Variants in DERL1 observed in about 807,000 individuals in gnomAD.
The protein encoded by DERL1 is derlin 1.
DERL1 carries 24 observed loss-of-function variants against 41.6 expected under a neutral mutation model. The ratio of observed to expected loss-of-function variants is 0.58; its 90% CI spans 0.42 to 0.81. The LOEUF (loss-of-function observed/expected upper bound fraction) is 0.81, where lower values mean the gene tolerates loss of function less well. DERL1 is among the 30% of genes least tolerant of loss of function. The pLI, the probability that DERL1 is intolerant of heterozygous loss-of-function variation, is 0.00. For missense variants in DERL1, 260 were observed against 314.3 expected (o/e 0.83, Z 1.31); for synonymous variants, 124 against 112.5 (o/e 1.10, Z -0.65).
intron 1 of DERL1, among the ~76,000 whole-genome samples, chr8:123,039,110 T>C (rs1812992521): frequency 6.6e-6 from 1 of 152,178 alleles, no homozygotes; most frequent in African/African-American, 2.4e-5. Flanking sequence ...GGCTGTAATC[T>C]CGTCCCCTCT....
chr8:123,028,185 A>G (rs1812745051), intron 2 of DERL1, among the ~76,000 whole-genome samples: 1 of 152,192 alleles, frequency 6.6e-6, no homozygotes, highest in Non-Finnish European at 1.5e-5. Context: ...TACAAATGAA[A>G]TGCCTGGCAT....
intron 1 of DERL1, among the ~76,000 whole-genome samples, chr8:123,033,983 A>C (rs1812870680): frequency 6.6e-6 from 1 of 152,204 alleles, no homozygotes; most frequent in African/African-American, 2.4e-5. Context: ...ACCAAGCACA[A>C]AAGACATGGC....
At position 123,042,010 on chromosome 8, in the gene DERL1, T is replaced by C. The variant is rs944425567; in HGVS notation, c.113A>G (p.Tyr38Cys). Reference protein sequence around the residue: ...VGKLGLISPAYLFLWPEAFLY... With the variant: ...VGKLGLISPACLFLWPEAFLY... ...GAAGGCTTCGGGCCAGAGGAAGAGG[T>C]AGGCCGGGCTGATGAGGCCGAGTTT... The change falls in exon 1 of 8, where the codon TAC becomes TGC. Residue 38 changes from tyrosine to cysteine, a missense_variant. Coordinates refer to ENST00000259512, the MANE Select transcript of DERL1 (RefSeq NM_024295.6). The C allele has an allele frequency of 6.2e-7, 1 of 1,613,690 alleles. No homozygotes were observed. The highest frequency in any genetic ancestry group is 8.5e-7 in the Non-Finnish European group (1 of 1,179,842).
rs767269122 is a variant in DERL1 at position 123,015,169 on chromosome 8, C to T, written c.*278G>A. On this transcript the variant is annotated 3_prime_UTR_variant, in exon 8 of 8. Coordinates refer to ENST00000259512, the MANE Select transcript of DERL1 (RefSeq NM_024295.6). ...GACCCGCTAAAACCCATTATTCAGACGGAAAGGGGAGAAGAGAAGACACCA... is the reference window on the plus strand; with the variant it reads ...GACCCGCTAAAACCCATTATTCAGATGGAAAGGGGAGAAGAGAAGACACCA... The T allele has an allele frequency of 1.2e-4, 38 of 307,348 alleles. No individual in the cohort carries two copies. Among genetic ancestry groups the T allele is most frequent in the East Asian group, 6.4e-4 (10 of 15,526 alleles). The allele number at this position is 307,348 out of a possible 1,614,324, so 19.0% of individuals were successfully genotyped here. A position where few individuals can be genotyped will look rare whatever the true frequency, so the allele number is the denominator to read the frequency against.
intron 4 of DERL1, 145 bp from the exon 5 acceptor site, chr8:123,022,924 C>T (rs901206219): frequency 1.8e-6 from 1 of 564,986 alleles, no homozygotes; most frequent in Non-Finnish European, 3.2e-6. Context: ...TAAATTGATC[C>T]TATTATTTAT....
rs559738065 is a variant in DERL1 at position 123,024,980 on chromosome 8, G to C, written c.330+6C>G. ...TTCTGGCCCAAAATCACAGACTGAA[G>C]GATACCACGATGCAAATCCAGTTAA... On this transcript the variant is annotated splice_donor_region_variant and intron_variant, in intron 3 of 7. Coordinates refer to ENST00000259512, the MANE Select transcript of DERL1 (RefSeq NM_024295.6). 1 of 1,612,838 alleles carries C rather than the reference G, an allele frequency of 6.2e-7. No individual in the cohort carries two copies. The highest frequency in any genetic ancestry group is 1.3e-5 in the African/African-American group (1 of 74,974).
chr8:123,023,389 T>C (rs182470947), intron 4 of DERL1, among the ~76,000 whole-genome samples: 2 of 152,142 alleles, frequency 1.3e-5, no homozygotes, highest in East Asian at 1.9e-4. Flanking sequence ...ACCCCATCTC[T>C]ACTAAAAATA....
intron 1 of DERL1, among the ~76,000 whole-genome samples, chr8:123,033,281 T>C (rs561645418): frequency 1.3e-5 from 2 of 152,388 alleles, no homozygotes; most frequent in African/African-American, 2.4e-5. Context: ...CTCAATATTT[T>C]ATTTTTCTAA....
rs148031242 is a variant in DERL1, at chr8:123,038,011, A to G, written c.153+3959T>C. ...TGATGAACATAAATCTGAGGGACTCAGAATAGGGAGAAATCGTAGACAACA... is the reference window on the plus strand; with the variant it reads ...TGATGAACATAAATCTGAGGGACTCGGAATAGGGAGAAATCGTAGACAACA... On this transcript the variant is annotated intron_variant, in intron 1 of 7. Coordinates refer to ENST00000259512, the MANE Select transcript of DERL1 (RefSeq NM_024295.6). Among the ~76,000 whole-genome samples, 282 of 152,364 alleles carry G rather than the reference A, an allele frequency of 1.9e-3. 1 individual carries two copies. Among genetic ancestry groups the G allele is most frequent in the African/African-American group, 6.3e-3 (260 of 41,592 alleles).
Position 123,014,341 on chromosome 8 carries a change from G to T in DERL1, c.*1106C>A, listed in dbSNP as rs1471458649. 6.6e-6 allele frequency: 1 copy of T among 152,596 alleles called. No individual in the cohort carries two copies. Among genetic ancestry groups the T allele is most frequent in the African/African-American group, 2.4e-5 (1 of 41,438 alleles). 9.5% of individuals were successfully genotyped at this position (152,596 alleles called of 1,614,324 possible). A position where few individuals can be genotyped will look rare whatever the true frequency, so the allele number is the denominator to read the frequency against. ...TAAATCATGTTATTCCCTTAGATGT[G>T]CTTACATTAGCTTTAAAAAATGATC... On this transcript the variant is annotated 3_prime_UTR_variant, in exon 8 of 8. Coordinates refer to ENST00000259512, the MANE Select transcript of DERL1 (RefSeq NM_024295.6).
At chr8:123,041,776 C>T (rs1321476764) in intron 1 of DERL1, among the ~76,000 whole-genome samples, 194 bp downstream of exon 1, 2 of 152,242 alleles carry the variant, frequency 1.3e-5, no homozygotes, top group African/African-American at 4.8e-5. Context: ...CAGCCCACAA[C>T]TCCAGCTATC....
chr8:123,042,043 A>G lies in DERL1; in HGVS notation c.80T>C (p.Leu27Ser), dbSNP rs373197192. 1 of 1,613,990 alleles carries G rather than the reference A, an allele frequency of 6.2e-7. No individual in the cohort carries two copies. Among genetic ancestry groups the G allele is most frequent in the Non-Finnish European group, 8.5e-7 (1 of 1,179,936 alleles). The change falls in exon 1 of 8, where the codon TTG becomes TCG. Residue 27 changes from leucine (L) to serine (S), a missense_variant. Leu to Ser is a moderately radical substitution (Grantham distance 145). Coordinates refer to ENST00000259512, the MANE Select transcript of DERL1 (RefSeq NM_024295.6). ...GCTGATGAGGCCGAGTTTGCCGACCAAGGGCACGGCGACGGTGGCGGCGAA... is the reference window on the plus strand; with the variant it reads ...GCTGATGAGGCCGAGTTTGCCGACCGAGGGCACGGCGACGGTGGCGGCGAA... ...YWFAATVAVPLVGKLGLISPA... is the reference protein window; with the variant it reads ...YWFAATVAVPSVGKLGLISPA...
At chr8:123,020,021 C>G (rs575076808) in intron 6 of DERL1, among the ~76,000 whole-genome samples, 1 of 152,208 alleles carries the variant, frequency 6.6e-6, no homozygotes, top group Non-Finnish European at 1.5e-5. Context: ...GCAGCTTTGC[C>G]AAGTTCAGAA....
chr8:123,015,478 C>T lies in DERL1; in HGVS notation c.725G>A (p.Trp242Ter). 6.2e-7 allele frequency: 1 copy of T among 1,613,682 alleles called. No individual in the cohort carries two copies. The highest frequency in any genetic ancestry group is 8.5e-7 in the Non-Finnish European group (1 of 1,179,832). ...DQNGGGGRHN[W>*]GQGFRLGDQ ...GTCTCCAAGTCGAAAGCCCTGGCCC[C>T]AGTTGTGTCTCCCGCCTCCGCCATT... Residue 242 changes from tryptophan to a stop codon, truncating the protein, a stop_gained, in exon 8 of 8, where the codon TGG becomes TAG. Transcript: ENST00000259512. LOFTEE classifies it high-confidence loss of function.
At chr8:123,024,126 C>A (rs1739897744) in intron 3 of DERL1, among the ~76,000 whole-genome samples, 1 of 152,146 alleles carries the variant, frequency 6.6e-6, no homozygotes, top group African/African-American at 2.4e-5. Flanking sequence ...TAGTAGAAAT[C>A]AACAGCTTCC....
In DERL1 at chr8:123,027,318, AATT is replaced by A. The variant is rs1263856368; in HGVS notation, c.266-2271_266-2269del. ...CAAAAAAAAAAAAAAAAAAAAAAAAAATTTAGTGGTCTCCTAAGGGTGTGGGGG... is the reference window on the plus strand; with the variant it reads ...CAAAAAAAAAAAAAAAAAAAAAAAAATAGTGGTCTCCTAAGGGTGTGGGGG... On this transcript the variant is annotated intron_variant, in intron 2 of 7. Transcript: ENST00000259512. 8.2e-4 allele frequency among the ~76,000 whole-genome samples: 90 copies of A among 109,442 alleles called. 2 individuals are homozygous for A. The highest frequency in any genetic ancestry group is 2.8e-3 in the African/African-American group (71 of 25,812). The allele number at this position is 109,442 out of a possible 152,430, so 71.8% of individuals were successfully genotyped here.
At chr8:123,039,560 T>G (rs1389763513) in intron 1 of DERL1, among the ~76,000 whole-genome samples, 3 of 152,090 alleles carry the variant, frequency 2.0e-5, no homozygotes, top group Non-Finnish European at 4.4e-5. Context: ...CCTGGAAGGT[T>G]GTCTCCAGAG....
rs775066796 is a variant in DERL1 at position 123,030,715 on chromosome 8, A to G, written c.155T>C (p.Ile52Thr). The change falls in exon 2 of 8, where the codon ATT becomes ACT. Residue 52 changes from isoleucine to threonine, a missense_variant and splice_region_variant. Physicochemically the swap from Ile to Thr is moderately conservative, Grantham distance 89 (BLOSUM62 -1). Coordinates refer to ENST00000259512, the MANE Select transcript of DERL1 (RefSeq NM_024295.6). ...AAAGGTGGCAGTGATTGGCCTCCAA[A>G]TCTGTCCAGATCAAAATAAACACAG... The part of the protein sequence containing the change: ...WPEAFLYRFQ[I>T]WRPITATFYF... 1.3e-6 allele frequency: 2 copies of G among 1,593,370 alleles called. No homozygotes were observed. The highest frequency in any genetic ancestry group is 1.7e-6 in the Non-Finnish European group (2 of 1,163,198).
At chr8:123,034,682 A>C (rs949023357) in intron 1 of DERL1, among the ~76,000 whole-genome samples, 3 of 152,246 alleles carry the variant, frequency 2.0e-5, no homozygotes, top group African/African-American at 7.2e-5. Flanking sequence ...ATTATGAGGT[A>C]CAATTACAAT....
Sources: allele counts gnomAD v4.1 joint callset (sites outside exome capture counted in the v4.1 genomes callset), GRCh38; gene constraint gnomAD v4.1.1; transcripts MANE v1.5; gene names NCBI Gene and HGNC (gene_info 2026-07-23, HGNC 2026-07-21).